MX2: variants seen among roughly 807,000 people sequenced by gnomAD.
MX2 encodes interferon-induced GTP-binding protein Mx2.
A neutral mutation model predicts 74.0 loss-of-function variants in MX2; 51 were observed. The ratio of observed to expected loss-of-function variants is 0.69; its 90% CI spans 0.55 to 0.87. The LOEUF (loss-of-function observed/expected upper bound fraction) is 0.87. MX2 is among the 40% of genes least tolerant of loss of function. The probability of loss-of-function intolerance (pLI) is 0.00; values close to 1 mark genes in which losing one functional copy is unlikely to be tolerated. For missense variants in MX2, 832 were observed against 908.7 expected (o/e 0.92, Z 1.09); for synonymous variants, 369 against 339.3 (o/e 1.09, Z -0.96).
In MX2 at chr21:41,368,807, T is replaced by C. The variant is rs190661791; in HGVS notation, c.-72+6752T>C. ...CACCTCCCATCAGCACTCGGTTTTG[T>C]TCCTGGACCCCTGACTTCGTCACCA... On this transcript the variant is annotated intron_variant, in intron 1 of 13. Transcript: ENST00000330714. This position sits in a 1 kb window ranked among gnomAD's most constrained non-coding sequence, Gnocchi z 4.6. Among the ~76,000 whole-genome samples, 1 of 152,350 alleles carries C rather than the reference T, an allele frequency of 6.6e-6. No homozygotes were observed. The highest frequency in any genetic ancestry group is 6.5e-5 in the Admixed American group (1 of 15,306).
chr21:41,406,715 T>C (rs2145979168), intron 12 of MX2, 29 bp from the exon 13 acceptor site: 1 of 1,596,866 alleles, frequency 6.3e-7, no homozygotes, highest in Non-Finnish European at 8.5e-7. Context: ...GAAAAAGAAG[T>C]AATGTGTTTG....
In MX2 at chr21:41,402,330, C is replaced by T; in HGVS notation, c.1573+202C>T. 1 of 551,632 alleles carries T rather than the reference C, an allele frequency of 1.8e-6. No homozygotes were observed. Among genetic ancestry groups the T allele is most frequent in the Non-Finnish European group, 3.0e-6 (1 of 333,710 alleles). The allele number at this position is 551,632 out of a possible 1,614,324, so 34.2% of individuals were successfully genotyped here. On this transcript the variant is annotated intron_variant, in intron 11 of 13. Transcript: ENST00000330714. The surrounding 1 kb of genome is among the most constrained non-coding windows in gnomAD (Gnocchi z 4.5). ...AGCTGGTCAGAGCTACCGATTCTGC[C>T]CTTCTGCCTGAGAACTCGTACTGAG...
chr21:41,372,566 T>C (rs2089339283), intron 1 of MX2, among the ~76,000 whole-genome samples: 1 of 152,224 alleles, frequency 6.6e-6, no homozygotes, highest in African/African-American at 2.4e-5. Flanking sequence ...ACATCGCCCT[T>C]GACTTCTGGC....
rs372532236 is a variant in MX2 at position 41,398,995 on chromosome 21, C to T, written c.1248C>T (p.Ala416=). 93 of 1,613,580 alleles carry T rather than the reference C, an allele frequency of 5.8e-5. No homozygotes were observed. Among genetic ancestry groups the T allele is most frequent in the Non-Finnish European group, 7.4e-5 (87 of 1,179,716 alleles). Residue 416 remains alanine, a synonymous_variant, in exon 9 of 14, where the codon GCC becomes GCT. Transcript: ENST00000330714. The part of the protein sequence containing the change: ...RCGADIPSQE[A]DKMFFLIEKI... ...GGGCTGACATCCCCAGCCAGGAGGC[C>T]GACAAGATGTTCTTTCTAATTGAGG...
Position 41,388,326 on chromosome 21 carries a change from G to A in MX2, c.733-2239G>A, listed in dbSNP as rs190621133. On this transcript the variant is annotated intron_variant, in intron 5 of 13. Coordinates refer to ENST00000330714, the MANE Select transcript of MX2 (RefSeq NM_002463.2). The surrounding 1 kb of genome is among the most constrained non-coding windows in gnomAD (Gnocchi z 4.0). ...CCTCGCTCCACCCTACCACATCCGG[G>A]TTCTGCGGCCCTTGGTCCCTCTGGC... Among the ~76,000 whole-genome samples the A allele has an allele frequency of 6.6e-6, 1 of 152,168 alleles. No homozygotes were observed. The highest frequency in any genetic ancestry group is 2.4e-5 in the African/African-American group (1 of 41,448).
intron 5 of MX2, among the ~76,000 whole-genome samples, chr21:41,387,830 CT>C (rs2089602275): frequency 6.6e-6 from 1 of 152,206 alleles, no homozygotes. Context: ...AACACCCGAT[CT>C]TCCCCCCAGT....
Position 41,380,303 on chromosome 21 carries a change from C to A in MX2, c.577+152C>A. The A allele has an allele frequency of 9.5e-7, 1 of 1,052,768 alleles. No individual in the cohort carries two copies. The highest frequency in any genetic ancestry group is 1.6e-5 in the South Asian group (1 of 61,928). The allele number at this position is 1,052,768 out of a possible 1,614,324, so 65.2% of individuals were successfully genotyped here. On this transcript the variant is annotated intron_variant, in intron 4 of 13. Coordinates refer to ENST00000330714, the MANE Select transcript of MX2 (RefSeq NM_002463.2). The surrounding 1 kb of genome is among the most constrained non-coding windows in gnomAD (Gnocchi z 4.3). Reference sequence around the variant, plus strand: ...GGGGCTGAACCCATTGCTGTCACCTCCACCATCCCTCCAGGTCCTTGTCCA... The same window carrying A: ...GGGGCTGAACCCATTGCTGTCACCTACACCATCCCTCCAGGTCCTTGTCCA...
In MX2 at chr21:41,390,560, A is replaced by G. The variant is rs759623193; in HGVS notation, c.733-5A>G. The G allele has an allele frequency of 1.9e-5, 30 of 1,613,974 alleles. No homozygotes were observed. The highest frequency in any genetic ancestry group is 2.5e-5 in the Non-Finnish European group (29 of 1,179,976). ...CTCTTTCTTTGTGCGATTCTTTGGC[A>G]TCAGATCAAGGCTCTCATCAAGAAG... On this transcript the variant is annotated splice_region_variant and splice_polypyrimidine_tract_variant and intron_variant, in intron 5 of 13. Transcript: ENST00000330714.
intron 5 of MX2, among the ~76,000 whole-genome samples, chr21:41,386,249 A>AAAAAAC (rs2089575612): frequency 7.5e-6 from 1 of 133,666 alleles, no homozygotes; most frequent in South Asian, 2.4e-4. Flanking sequence ...AAAAAAAAAA[A>AAAAAAC]CAAATCTGCA....
chr21:41,381,670 G>A (rs1295703771), intron 4 of MX2, among the ~76,000 whole-genome samples: 3 of 132,860 alleles, frequency 2.3e-5, no homozygotes, highest in African/African-American at 9.7e-5. Flanking sequence ...GGGCGACAGA[G>A]CGAGACTCTG....
intron 8 of MX2, 124 bp downstream of exon 8, chr21:41,397,815 CTG>C (rs758295596): frequency 4.3e-5 from 31 of 721,806 alleles, no homozygotes; most frequent in African/African-American, 8.7e-5. Flanking sequence ...CCTCTGAACA[CTG>C]TCTCACTCAC....
At chr21:41,379,134 C>T (rs1251167790) in intron 3 of MX2, among the ~76,000 whole-genome samples, 2 of 152,228 alleles carry the variant, frequency 1.3e-5, no homozygotes, top group South Asian at 4.1e-4. Context: ...GGCCATCAGC[C>T]TGGGCACAAG....
At chr21:41,362,789 C>A (rs2089228130) in intron 1 of MX2, among the ~76,000 whole-genome samples, 1 of 97,630 alleles carries the variant, frequency 1.0e-5, no homozygotes, top group Non-Finnish European at 1.9e-5. Flanking sequence ...GAGAAGTTCT[C>A]GTTCTGTTCC....
chr21:41,399,406 C>A, intron 10 of MX2, 69 bp downstream of exon 10: 1 of 1,507,848 alleles, frequency 6.6e-7, no homozygotes, highest in Non-Finnish European at 9.0e-7. Context: ...ATGTCCAGCA[C>A]ATGATAAGTG....
chr21:41,397,530 C>A, intron 7 of MX2, 83 bp from the exon 8 acceptor site: 2 of 1,274,926 alleles, frequency 1.6e-6, no homozygotes, highest in Non-Finnish European at 1.1e-6. Flanking sequence ...GGGAGCTGGG[C>A]TCACCTACCA....
intron 5 of MX2, among the ~76,000 whole-genome samples, chr21:41,383,671 G>A (rs531976461): frequency 2.6e-5 from 4 of 152,316 alleles, no homozygotes; most frequent in African/African-American, 9.6e-5. Context: ...TTAAGGGGTG[G>A]CAGCCCTAAG....
In MX2 at chr21:41,380,411, A is replaced by G. The variant is rs2074560; in HGVS notation, c.577+260A>G. On this transcript the variant is annotated intron_variant, in intron 4 of 13. Coordinates refer to ENST00000330714, the MANE Select transcript of MX2 (RefSeq NM_002463.2). The surrounding 1 kb of genome is among the most constrained non-coding windows in gnomAD (Gnocchi z 4.3). Reference sequence around the variant, plus strand: ...GCCTGCAGCCCACGTGGCTGGCCTTACCTGTCCTCTCCCGCTCCCCGCCAG... The same window carrying G: ...GCCTGCAGCCCACGTGGCTGGCCTTGCCTGTCCTCTCCCGCTCCCCGCCAG... Among the ~76,000 whole-genome samples, 63,617 of 151,906 alleles carry G rather than the reference A, an allele frequency of 0.42. 18,165 individuals are homozygous for G. The highest frequency in any genetic ancestry group is 0.82 in the African/African-American group (33,857 of 41,480).
chr21:41,403,694 A>G (rs897389747), intron 12 of MX2: 3 of 508,878 alleles, frequency 5.9e-6, no homozygotes, highest in Non-Finnish European at 8.0e-6. Context: ...CCTACTCCCA[A>G]ATTTGTATGT....
rs141614665 is a variant in MX2 at position 41,398,884 on chromosome 21, T to C, written c.1150-13T>C. On this transcript the variant is annotated splice_polypyrimidine_tract_variant and intron_variant, in intron 8 of 13. Transcript: ENST00000330714. ...TAAGCCGCAGTTTGATTGTTTGCAA[T>C]TGTTTTGTTTAGAAATCGCTCCCGT... The C allele has an allele frequency of 3.1e-3, 4,924 of 1,610,072 alleles. 15 individuals carry two copies. The highest frequency in any genetic ancestry group is 3.8e-3 in the Non-Finnish European group (4,526 of 1,177,018).
Sources: allele counts gnomAD v4.1 joint callset (sites outside exome capture counted in the v4.1 genomes callset), GRCh38; gene constraint gnomAD v4.1.1; non-coding constraint Gnocchi (gnomAD v3.1); transcripts MANE v1.5; gene names NCBI Gene and HGNC (gene_info 2026-07-23, HGNC 2026-07-21).